Variants in SLC44A5 observed in about 807,000 individuals in gnomAD.
SLC44A5 encodes the protein choline transporter-like protein 5.
In SLC44A5, 57 loss-of-function variants were observed where a neutral mutation model predicts 101.8. The ratio of observed to expected loss-of-function variants is 0.56; its 90% CI spans 0.45 to 0.70. The LOEUF (loss-of-function observed/expected upper bound fraction) is 0.70, where lower values mean the gene tolerates loss of function less well. Among genes scored for constraint, SLC44A5 ranks in the 30% least tolerant of loss-of-function variants. The pLI is 0.00. For synonymous variants in SLC44A5, 281 were observed against 290.9 expected (o/e 0.97, Z 0.35); for missense variants, 737 against 853.1 (o/e 0.86, Z 1.70).
At chr1:75,479,926 A>C (rs1667720944) in intron 2 of SLC44A5, among the ~76,000 whole-genome samples, 1 of 152,220 alleles carries the variant, frequency 6.6e-6, no homozygotes, top group Admixed American at 6.5e-5. Flanking sequence ...CCTGATACCA[A>C]AGCCGGGCAG....
chr1:75,533,524 TA>T (rs1424751010), intron 2 of SLC44A5, among the ~76,000 whole-genome samples: 1 of 152,176 alleles, frequency 6.6e-6, no homozygotes, highest in African/African-American at 2.4e-5. Context: ...CTCACACTTG[TA>T]TACCTGATTA....
chr1:75,372,418 C>G (rs1035076351), intron 3 of SLC44A5, among the ~76,000 whole-genome samples: 1 of 151,984 alleles, frequency 6.6e-6, no homozygotes, highest in Non-Finnish European at 1.5e-5. Context: ...TATTTTAATC[C>G]TGGCATTCTG....
At chr1:75,703,579 T>C in the SLC44A5 span, among the ~76,000 whole-genome samples, 4 of 151,820 alleles carry the variant, frequency 2.6e-5, no homozygotes, top group African/African-American at 9.7e-5. Flanking sequence ...AGTTAATGTG[T>C]GCAGCACACC....
intron 2 of SLC44A5, among the ~76,000 whole-genome samples, chr1:75,485,698 T>G (rs879745409): frequency 2.0e-5 from 3 of 152,178 alleles, no homozygotes; most frequent in Non-Finnish European, 2.9e-5. Flanking sequence ...TCCATATTAG[T>G]CCTTTTTCAC....
intron 2 of SLC44A5, among the ~76,000 whole-genome samples, chr1:75,538,758 C>T (rs370947500): frequency 7.9e-5 from 12 of 152,274 alleles, no homozygotes; most frequent in South Asian, 2.1e-4. Flanking sequence ...CATCGGTTTC[C>T]AATAAAATTT....
upstream of SLC44A5, chr1:75,615,989 T>A (rs1238962884): frequency 1.5e-6 from 1 of 660,294 alleles, no homozygotes; most frequent in East Asian, 1.4e-4. Flanking sequence ...GCGAGCTCTT[T>A]GTTGCTGTGA....
intron 2 of SLC44A5, among the ~76,000 whole-genome samples, chr1:75,449,869 C>T (rs6662277): frequency 0.012 from 1,802 of 152,058 alleles, 10 homozygotes; most frequent in Non-Finnish European, 0.015. Context: ...GGCATGCTGG[C>T]GCATGCCTGT....
At chr1:75,692,981 T>C in the SLC44A5 span, among the ~76,000 whole-genome samples, 4 of 152,052 alleles carry the variant, frequency 2.6e-5, no homozygotes, top group Non-Finnish European at 4.4e-5. Context: ...GTTGAAGGTA[T>C]ATGCAAAGGA....
intron 4 of SLC44A5, among the ~76,000 whole-genome samples, chr1:75,319,832 G>A (rs527512695): frequency 7.0e-4 from 107 of 152,190 alleles, no homozygotes; most frequent in African/African-American, 2.5e-3. Flanking sequence ...TATCCTAGAA[G>A]AGGAAAAAAA....
At chr1:75,243,803 T>C (rs1028953200) in intron 7 of SLC44A5, among the ~76,000 whole-genome samples, 2 of 152,106 alleles carry the variant, frequency 1.3e-5, no homozygotes, top group Non-Finnish European at 2.9e-5. Context: ...TTTGGGTTCA[T>C]AGATGCAGCA....
rs12057450 is a variant in SLC44A5, at chr1:75,307,930, G to A, written c.102-7245C>T. On this transcript the variant is annotated intron_variant, in intron 4 of 23. Coordinates refer to ENST00000370859, the MANE Select transcript of SLC44A5 (RefSeq NM_001130058.2). ...AAACCTCATAGAAAGGCACAAATGA[G>A]CTTTTAATTACATGAACCTGTATTT... 8.3e-3 allele frequency among the ~76,000 whole-genome samples: 1,270 copies of A among 152,212 alleles called. 20 individuals are homozygous for A. Among genetic ancestry groups the A allele is most frequent in the African/African-American group, 0.029 (1,204 of 41,534 alleles).
At chr1:75,704,747 A>G in the SLC44A5 span, among the ~76,000 whole-genome samples, 10 of 152,348 alleles carry the variant, frequency 6.6e-5, no homozygotes, top group Admixed American at 5.2e-4. Context: ...GTAGACAATG[A>G]TATCATCTAC....
the SLC44A5 span, among the ~76,000 whole-genome samples, chr1:75,643,738 A>T: frequency 1.3e-5 from 2 of 152,236 alleles, no homozygotes; most frequent in Non-Finnish European, 2.9e-5. Context: ...CAAGTAAGAC[A>T]TGGTTTTGCT....
chr1:75,336,872 G>T (rs1193106539), intron 4 of SLC44A5, among the ~76,000 whole-genome samples: 1 of 152,152 alleles, frequency 6.6e-6, no homozygotes, highest in Non-Finnish European at 1.5e-5. Context: ...TGTATTCCAT[G>T]AGACCTAGTA....
At chr1:75,464,221 C>CAAAAAAA (rs57630961) in intron 2 of SLC44A5, among the ~76,000 whole-genome samples, 5 of 52,222 alleles carry the variant, frequency 9.6e-5, no homozygotes, top group Admixed American at 2.2e-4. Context: ...GACTCTGTCT[C>CAAAAAAA]AAAAAAAAAA....
intron 2 of SLC44A5, among the ~76,000 whole-genome samples, chr1:75,528,794 G>A (rs1300246177): frequency 6.6e-6 from 1 of 152,054 alleles, no homozygotes; most frequent in African/African-American, 2.4e-5. Context: ...CCCAAAAGCT[G>A]TATGTTCCAA....
intron 1 of SLC44A5, among the ~76,000 whole-genome samples, chr1:75,602,425 TA>T (rs1675032534): frequency 6.6e-6 from 1 of 152,188 alleles, no homozygotes; most frequent in African/African-American, 2.4e-5. Flanking sequence ...TGTATTAACG[TA>T]AGACTTTCTG....
At chr1:75,546,558 T>C (rs1671661973) in intron 1 of SLC44A5, among the ~76,000 whole-genome samples, 1 of 152,124 alleles carries the variant, frequency 6.6e-6, no homozygotes, top group Admixed American at 6.6e-5. Context: ...ATTTTTAAAT[T>C]TTAATCGCAT....
chr1:75,394,157 A>G (rs897378854), intron 3 of SLC44A5, among the ~76,000 whole-genome samples: 1 of 152,146 alleles, frequency 6.6e-6, no homozygotes, highest in Admixed American at 6.6e-5. Flanking sequence ...GAAACCCAGG[A>G]GAGTGTGGTA....
Sources: gnomAD v4.1 joint callset for allele counts (sites outside exome capture counted in the v4.1 genomes callset) on GRCh38, gnomAD v4.1.1 for gene constraint, MANE v1.5 for transcripts, NCBI Gene and HGNC (gene_info 2026-07-23, HGNC 2026-07-21) for gene names.